PKNOX1: variants seen among roughly 807,000 people sequenced by gnomAD.
PKNOX1 encodes the protein homeobox protein PKNOX1.
PKNOX1 carries 15 observed loss-of-function variants against 51.9 expected under a neutral mutation model. That is an observed-to-expected ratio of 0.29 (90% confidence interval 0.19 to 0.45). The LOEUF is 0.45. Among genes scored for constraint, PKNOX1 ranks in the 20% least tolerant of loss-of-function variants. PKNOX1 has a pLI of 1.00. For missense variants in PKNOX1, 462 were observed against 547.5 expected (o/e 0.84, Z 1.56); for synonymous variants, 219 against 211.1 (o/e 1.04, Z -0.32).
At chr21:43,016,297 G>A (rs1979485919) in intron 5 of PKNOX1, among the ~76,000 whole-genome samples, 1 of 152,236 alleles carries the variant, frequency 6.6e-6, no homozygotes, top group African/African-American at 2.4e-5. Flanking sequence ...CATGGGGCAT[G>A]TAGAAACATT....
intron 3 of PKNOX1, among the ~76,000 whole-genome samples, chr21:43,008,061 T>TCTCTCTCTCACACA (rs59792199): frequency 6.8e-6 from 1 of 146,776 alleles, no homozygotes. Flanking sequence ...CAAAACTCTG[T>TCTCTCTCTCACACA]CACACACACA....
intron 1 of PKNOX1, among the ~76,000 whole-genome samples, chr21:42,987,952 G>A (rs763123365): frequency 3.3e-5 from 5 of 151,946 alleles, no homozygotes; most frequent in Non-Finnish European, 5.9e-5. Flanking sequence ...GAAAGCATAC[G>A]TAATACAGAC....
At chr21:43,019,011 G>C (rs1284531676) in intron 7 of PKNOX1, among the ~76,000 whole-genome samples, 2 of 151,530 alleles carry the variant, frequency 1.3e-5, no homozygotes, top group East Asian at 3.9e-4. Context: ...CTTGAACCCG[G>C]GAAGCAGAGG....
chr21:43,022,223 C>T (rs1979792293), intron 8 of PKNOX1, among the ~76,000 whole-genome samples: 1 of 152,228 alleles, frequency 6.6e-6, no homozygotes, highest in South Asian at 2.1e-4. Flanking sequence ...CAGCCTCCTC[C>T]TCCTCGGCCT....
At chr21:43,026,263 T>C (rs1601304278) in intron 9 of PKNOX1, among the ~76,000 whole-genome samples, 1 of 152,250 alleles carries the variant, frequency 6.6e-6, no homozygotes, top group Non-Finnish European at 1.5e-5. Flanking sequence ...GTATCAACTT[T>C]TAATTTTTAG....
At chr21:43,023,518 G>T (rs758080160) in intron 8 of PKNOX1, among the ~76,000 whole-genome samples, 1 of 152,092 alleles carries the variant, frequency 6.6e-6, no homozygotes, top group Non-Finnish European at 1.5e-5. Flanking sequence ...AGTAAATGTC[G>T]TGTTGGTTTC....
At chr21:42,975,643 C>T (rs2058991886) in intron 1 of PKNOX1, among the ~76,000 whole-genome samples, 1 of 152,220 alleles carries the variant, frequency 6.6e-6, no homozygotes, top group Non-Finnish European at 1.5e-5. Flanking sequence ...GCCTCCGTTC[C>T]GATGGCGGAT....
In PKNOX1 at chr21:42,995,530, T is replaced by G. The variant is rs1978461156; in HGVS notation, c.-56-8796T>G. On this transcript the variant is annotated intron_variant, in intron 1 of 10. Transcript: ENST00000291547. ...CCTGTCTACAAAAAAATGCAAAAAT[T>G]AGCCAGGTATGGTGGCATGTGCCTA... 3.7e-5 allele frequency among the ~76,000 whole-genome samples: 5 copies of G among 134,162 alleles called. No homozygotes were observed. In the South Asian group the frequency reaches 1.2e-3, roughly 32 times the overall value. 88.0% of individuals were successfully genotyped at this position (134,162 alleles called of 152,430 possible).
intron 1 of PKNOX1, among the ~76,000 whole-genome samples, chr21:42,979,581 A>T (rs559455384): frequency 6.6e-6 from 1 of 152,132 alleles, no homozygotes; most frequent in Non-Finnish European, 1.5e-5. Flanking sequence ...TCTCTACTAA[A>T]TATACAAAGA....
At chr21:43,023,639 T>TA (rs1406281631) in intron 8 of PKNOX1, among the ~76,000 whole-genome samples, 8 of 151,590 alleles carry the variant, frequency 5.3e-5, no homozygotes, top group African/African-American at 1.9e-4. Flanking sequence ...ATTTTTTTTT[T>TA]TTATTTTTCT....
In PKNOX1 at chr21:43,032,141, T is replaced by C. The variant is rs1601310090; in HGVS notation, c.*2040T>C. The C allele has an allele frequency of 2.2e-6, 1 of 456,178 alleles. No homozygotes were observed. The highest frequency in any genetic ancestry group is 4.4e-6 in the Non-Finnish European group (1 of 226,906). 28.3% of individuals were successfully genotyped at this position (456,178 alleles called of 1,614,324 possible). The stretch of plus-strand genomic sequence containing the variant: ...TCCCAAAGTGCTGGGATTACAGGTG[T>C]GAGCCACCGCGCCCGGCCGAGAATG... On this transcript the variant is annotated 3_prime_UTR_variant, in exon 11 of 11. Transcript: ENST00000291547.
chr21:43,025,312 C>A (rs1056115309), intron 9 of PKNOX1, among the ~76,000 whole-genome samples: 6 of 152,254 alleles, frequency 3.9e-5, no homozygotes, highest in African/African-American at 1.4e-4. Flanking sequence ...AGAGCTGTTT[C>A]TCTAGGGTGC....
At chr21:43,022,356 G>A (rs868554441) in intron 8 of PKNOX1, among the ~76,000 whole-genome samples, 4 of 152,350 alleles carry the variant, frequency 2.6e-5, no homozygotes, top group South Asian at 2.1e-4. Context: ...CCCTGAGCCC[G>A]TAGCCATCTC....
chr21:43,015,884 AT>A (rs1186610067), intron 5 of PKNOX1, among the ~76,000 whole-genome samples: 1 of 150,762 alleles, frequency 6.6e-6, no homozygotes, highest in Admixed American at 6.6e-5. Flanking sequence ...TGTTTTATTG[AT>A]TTTTTTGGTT....
intron 4 of PKNOX1, among the ~76,000 whole-genome samples, chr21:43,011,216 C>T (rs927280155): frequency 9.2e-5 from 14 of 151,790 alleles, no homozygotes; most frequent in African/African-American, 3.4e-4. Flanking sequence ...TACAGGCACC[C>T]GCCACCACGC....
At chr21:42,974,908 C>CA (rs2058984166) in intron 1 of PKNOX1, among the ~76,000 whole-genome samples, 1 of 146,156 alleles carries the variant, frequency 6.8e-6, no homozygotes, top group Non-Finnish European at 1.5e-5. Flanking sequence ...CCAACCGGCG[C>CA]GGGGGCGCGC....
chr21:43,022,703 T>G lies in PKNOX1; in HGVS notation c.849+1272T>G, dbSNP rs1045852475. Among the ~76,000 whole-genome samples, 3 of 152,022 alleles carry G rather than the reference T, an allele frequency of 2.0e-5. No individual in the cohort carries two copies. In the East Asian group the frequency reaches 5.8e-4, roughly 29 times the overall value. Reference sequence around the variant, plus strand: ...GATCAGTCACAAGAAAACGGAAAGATTTGTGTGTAAGAATGTTAGTGTCGT... The same window carrying G: ...GATCAGTCACAAGAAAACGGAAAGAGTTGTGTGTAAGAATGTTAGTGTCGT... On this transcript the variant is annotated intron_variant, in intron 8 of 10. Coordinates refer to ENST00000291547, the MANE Select transcript of PKNOX1 (RefSeq NM_004571.5).
At chr21:43,026,098 C>T (rs1264688751) in intron 9 of PKNOX1, among the ~76,000 whole-genome samples, 2 of 152,096 alleles carry the variant, frequency 1.3e-5, no homozygotes, top group African/African-American at 2.4e-5. Context: ...TGGGGCACAC[C>T]TGTGGTGGGT....
rs1165540126 is a variant in PKNOX1, at chr21:43,029,937, C to T, written c.1147C>T (p.Leu383Phe). The T allele has an allele frequency of 1.2e-6, 2 of 1,614,060 alleles. No individual in the cohort carries two copies. The highest frequency in any genetic ancestry group is 1.7e-6 in the Non-Finnish European group (2 of 1,180,024). ...GCCCGTGAACATGAACGTGGACAGC[C>T]TTCAGTCTCTGTCCTCGGACGGGGC... ...TTPVNMNVDS[L>F]QSLSSDGATL... The change falls in exon 11 of 11, where the codon CTT becomes TTT. Residue 383 changes from leucine (L) to phenylalanine (F), a missense_variant. Physicochemically the swap from Leu to Phe is conservative, Grantham distance 22. This residue lies in a region of PKNOX1 where 118 missense variants were observed against 116.8 expected (regional missense o/e 1.01). Transcript: ENST00000291547.
Sources: allele counts gnomAD v4.1 joint callset (sites outside exome capture counted in the v4.1 genomes callset), GRCh38; gene constraint gnomAD v4.1.1; regional missense constraint gnomAD v4.1.1; transcripts MANE v1.5; gene names NCBI Gene and HGNC (gene_info 2026-07-23, HGNC 2026-07-21).